PDE7A: variants seen among roughly 807,000 people sequenced by gnomAD.
PDE7A encodes high affinity 3',5'-cyclic-AMP phosphodiesterase 7A.
PDE7A carries 39 observed loss-of-function variants against 64.3 expected under a neutral mutation model. The observed-to-expected ratio is 0.61, with a 90% confidence interval of 0.47 to 0.79. PDE7A has a LOEUF of 0.79. Ranked by LOEUF, PDE7A falls within the 30% of genes least tolerant of loss-of-function variation. PDE7A has a pLI of 0.00. For synonymous variants in PDE7A, 203 were observed against 206.8 expected, an observed-to-expected ratio of 0.98 and a Z score of 0.16; for missense variants, 470 against 582.8, an observed-to-expected ratio of 0.81 and a Z score of 1.99.
intron 3 of PDE7A, among the ~76,000 whole-genome samples, chr8:65,762,690 C>A (rs537993554): frequency 1.3e-3 from 195 of 152,202 alleles, no homozygotes; most frequent in African/African-American, 4.5e-3. Context: ...TTATGAATAT[C>A]AAATATTTTT....
chr8:65,757,005 G>A (rs376736310), intron 3 of PDE7A, among the ~76,000 whole-genome samples: 2 of 152,138 alleles, frequency 1.3e-5, no homozygotes, highest in East Asian at 1.9e-4. Flanking sequence ...CATGCCCTCC[G>A]TAGGTGCACC....
At chr8:65,836,133 G>A (rs899423374) in intron 1 of PDE7A, among the ~76,000 whole-genome samples, 4 of 152,144 alleles carry the variant, frequency 2.6e-5, no homozygotes, top group Non-Finnish European at 4.4e-5. Context: ...CACTTCCCTT[G>A]GGGTATCCCA....
chr8:65,764,960 C>G (rs544098207), intron 3 of PDE7A, among the ~76,000 whole-genome samples: 1 of 152,174 alleles, frequency 6.6e-6, no homozygotes, highest in African/African-American at 2.4e-5. Context: ...GAACTACAAA[C>G]AGGCCCCTGT....
intron 1 of PDE7A, among the ~76,000 whole-genome samples, chr8:65,802,031 G>A (rs927591963): frequency 1.3e-5 from 2 of 152,152 alleles, no homozygotes. Flanking sequence ...CTTCTTGTTC[G>A]AAAGAAATTC....
intron 1 of PDE7A, among the ~76,000 whole-genome samples, chr8:65,799,804 A>C (rs1030014477): frequency 1.3e-5 from 2 of 152,210 alleles, no homozygotes; most frequent in Admixed American, 1.3e-4. Context: ...AAGTGAAGAC[A>C]GCTAAAATCA....
chr8:65,723,636 AAG>A lies in PDE7A; in HGVS notation c.1163-17_1163-16del, dbSNP rs774449888. The A allele has an allele frequency of 6.0e-6, 9 of 1,505,448 alleles. No homozygotes were observed. The highest frequency in any genetic ancestry group is 2.6e-5 in the South Asian group (2 of 76,804). 93.3% of individuals were successfully genotyped at this position (1,505,448 alleles called of 1,614,324 possible). ...TTCTATATCTCCTATAAATTAAAAA[AAG>A]AGAAGTATTAATATGAAGAATATCT... On this transcript the variant is annotated splice_polypyrimidine_tract_variant and intron_variant, in intron 11 of 12. Transcript: ENST00000401827.
At chr8:65,770,790 A>C (rs1314705879) in intron 3 of PDE7A, among the ~76,000 whole-genome samples, 1 of 152,262 alleles carries the variant, frequency 6.6e-6, no homozygotes, top group African/African-American at 2.4e-5. Flanking sequence ...AAAGCCTGTA[A>C]CAATTTGAAC....
intron 7 of PDE7A, among the ~76,000 whole-genome samples, chr8:65,729,740 T>G (rs1806765682): frequency 6.6e-6 from 1 of 151,532 alleles, no homozygotes; most frequent in Admixed American, 6.6e-5. Flanking sequence ...TTTTTTTTTT[T>G]GGTACTTTTA....
intron 1 of PDE7A, among the ~76,000 whole-genome samples, chr8:65,815,380 C>T (rs576887867): frequency 6.6e-6 from 1 of 152,118 alleles, no homozygotes; most frequent in Non-Finnish European, 1.5e-5. Flanking sequence ...AGACAGAAAA[C>T]CTTTGTTTAC....
intron 3 of PDE7A, among the ~76,000 whole-genome samples, chr8:65,751,495 G>C (rs1417647238): frequency 6.7e-6 from 1 of 149,328 alleles, no homozygotes; most frequent in African/African-American, 2.5e-5. Flanking sequence ...TTCTTTTCTC[G>C]AGTTTCATCT....
chr8:65,820,122 G>A (rs1362171258), intron 1 of PDE7A, among the ~76,000 whole-genome samples: 1 of 152,250 alleles, frequency 6.6e-6, no homozygotes, highest in Non-Finnish European at 1.5e-5. Context: ...ATGGCCAGGT[G>A]TGATGGCTCA....
At chr8:65,823,910 G>C (rs1810602444) in intron 1 of PDE7A, among the ~76,000 whole-genome samples, 1 of 151,988 alleles carries the variant, frequency 6.6e-6, no homozygotes, top group African/African-American at 2.4e-5. Context: ...CAAAAAAAGG[G>C]AAAGTTTCCC....
At chr8:65,775,416 T>C (rs947264783) in intron 3 of PDE7A, among the ~76,000 whole-genome samples, 45 of 152,386 alleles carry the variant, frequency 3.0e-4, no homozygotes, top group African/African-American at 9.1e-4. Context: ...TTTAAGGCTA[T>C]GAATTTTCCT....
At chr8:65,753,303 G>C (rs915597700) in intron 3 of PDE7A, among the ~76,000 whole-genome samples, 6 of 152,192 alleles carry the variant, frequency 3.9e-5, no homozygotes, top group African/African-American at 1.4e-4. Flanking sequence ...TCTTGGGAGA[G>C]AGCAGAGGAA....
chr8:65,787,609 T>C (rs915186627), intron 1 of PDE7A, among the ~76,000 whole-genome samples: 93 of 152,276 alleles, frequency 6.1e-4, no homozygotes, highest in Non-Finnish European at 8.2e-4. Flanking sequence ...AATATTAGCA[T>C]TGTTTTTGTT....
At chr8:65,799,572 G>C (rs887192290) in intron 1 of PDE7A, among the ~76,000 whole-genome samples, 4 of 152,214 alleles carry the variant, frequency 2.6e-5, no homozygotes, top group African/African-American at 9.6e-5. Flanking sequence ...CTAGACTAGG[G>C]TAGTAAACAG....
intron 1 of PDE7A, among the ~76,000 whole-genome samples, chr8:65,797,262 A>G (rs967302808): frequency 6.6e-6 from 1 of 152,198 alleles, no homozygotes; most frequent in Non-Finnish European, 1.5e-5. Context: ...TGCAAATGTA[A>G]TCAAGTTAAG....
In PDE7A at chr8:65,727,973, A is replaced by G. The variant is rs557485825; in HGVS notation, c.697-672T>C. On this transcript the variant is annotated intron_variant, in intron 7 of 12. Coordinates refer to ENST00000401827, the MANE Select transcript of PDE7A (RefSeq NM_001242318.3). The stretch of plus-strand genomic sequence containing the variant: ...ACTTATTTAATAATCACAATAAATA[A>G]AAGTTTATGATTAGCTGACAAATGT... The G allele has an allele frequency of 2.0e-5, 3 of 152,350 alleles. No homozygotes were observed. In the East Asian group the frequency reaches 5.8e-4, roughly 29 times the overall value. 9.4% of individuals were successfully genotyped at this position (152,350 alleles called of 1,614,324 possible). A position where few individuals can be genotyped will look rare whatever the true frequency, so the allele number is the denominator to read the frequency against.
intron 1 of PDE7A, among the ~76,000 whole-genome samples, chr8:65,800,159 A>AC (rs142965170): frequency 6.6e-6 from 1 of 152,050 alleles, no homozygotes; most frequent in African/African-American, 2.4e-5. Context: ...AGAGGCTCGG[A>AC]CCCCCCACCT....
Sources: gnomAD v4.1 joint callset for allele counts (sites outside exome capture counted in the v4.1 genomes callset) on GRCh38, gnomAD v4.1.1 for gene constraint, MANE v1.5 for transcripts, NCBI Gene and HGNC (gene_info 2026-07-23, HGNC 2026-07-21) for gene names.